Variants in PBX3 observed in about 807,000 individuals in gnomAD.
The protein encoded by PBX3 is pre-B-cell leukemia transcription factor 3.
A neutral mutation model predicts 48.5 loss-of-function variants in PBX3; 14 were observed. The ratio of observed to expected loss-of-function variants is 0.29; its 90% confidence interval spans 0.19 to 0.45. The LOEUF (loss-of-function observed/expected upper bound fraction) is 0.45, where lower values mean the gene tolerates loss of function less well. Among genes scored for constraint, PBX3 ranks in the 20% least tolerant of loss-of-function variants. PBX3 has a pLI of 1.00. For missense variants in PBX3, 386 were observed against 546.7 expected (o/e 0.71, Z 2.93); for synonymous variants, 210 against 200.3 (o/e 1.05, Z -0.41).
intron 5 of PBX3, among the ~76,000 whole-genome samples, chr9:125,938,981 A>ATGTGTG (rs144168364): frequency 6.6e-6 from 1 of 151,084 alleles, no homozygotes; most frequent in Admixed American, 6.6e-5. Flanking sequence ...TTGCATGTAT[A>ATGTGTG]TGTGTGTGTG....
At chr9:125,858,372 T>C (rs897266365) in intron 2 of PBX3, among the ~76,000 whole-genome samples, 15 of 152,236 alleles carry the variant, frequency 9.9e-5, no homozygotes, top group African/African-American at 3.6e-4. Context: ...TTCCCATTTA[T>C]TGTATATCTG....
At chr9:125,911,831 T>C (rs1841210211) in intron 2 of PBX3, among the ~76,000 whole-genome samples, 1 of 152,198 alleles carries the variant, frequency 6.6e-6, no homozygotes. Context: ...AATAATGTAC[T>C]CTTTACTAAG....
At chr9:125,862,285 G>A (rs1020840638) in intron 2 of PBX3, among the ~76,000 whole-genome samples, 3 of 152,170 alleles carry the variant, frequency 2.0e-5, no homozygotes, top group African/African-American at 7.2e-5. Flanking sequence ...GTGACATATG[G>A]TAAGAGCAAC....
chr9:125,930,629 G>A (rs1270351792), intron 4 of PBX3, among the ~76,000 whole-genome samples: 1 of 152,158 alleles, frequency 6.6e-6, no homozygotes, highest in Non-Finnish European at 1.5e-5. Context: ...CAGTATTAAA[G>A]GAAATAACTA....
chr9:125,890,590 A>G (rs1026631943), intron 2 of PBX3, among the ~76,000 whole-genome samples: 4 of 152,202 alleles, frequency 2.6e-5, no homozygotes, highest in Admixed American at 2.6e-4. Flanking sequence ...TCCCACCCCC[A>G]GTGACTTGGC....
intron 4 of PBX3, among the ~76,000 whole-genome samples, chr9:125,931,059 G>GTTAA (rs1267378081): frequency 6.6e-6 from 1 of 152,154 alleles, no homozygotes; most frequent in East Asian, 1.9e-4. Context: ...AAGGATAAAA[G>GTTAA]TTAACCTCAT....
chr9:125,785,672 A>G (rs1837438772), intron 2 of PBX3, among the ~76,000 whole-genome samples: 1 of 152,292 alleles, frequency 6.6e-6, no homozygotes, highest in South Asian at 2.1e-4. Context: ...AATTCTCCCT[A>G]ATAAATTCTC....
intron 3 of PBX3, among the ~76,000 whole-genome samples, chr9:125,920,212 A>G (rs1180534947): frequency 6.6e-6 from 1 of 152,162 alleles, no homozygotes; most frequent in African/African-American, 2.4e-5. Context: ...TCTTGGGTAC[A>G]TTGCCTCGCT....
chr9:125,767,489 G>T lies in PBX3; in HGVS notation c.274+18866G>T, dbSNP rs532449182. Among the ~76,000 whole-genome samples, 331 of 152,280 alleles carry T rather than the reference G, an allele frequency of 2.2e-3. 1 individual carries two copies. The highest frequency in any genetic ancestry group is 7.6e-3 in the African/African-American group (315 of 41,556). ...CATACCACCATTCACAGGTATCTAT[G>T]CTTGTGGTACTCCAGAAAGCTGTAG... On this transcript the variant is annotated intron_variant, in intron 2 of 8. Coordinates refer to ENST00000373489, the MANE Select transcript of PBX3 (RefSeq NM_006195.6).
chr9:125,955,123 C>T (rs1842274787), intron 5 of PBX3, among the ~76,000 whole-genome samples: 2 of 152,286 alleles, frequency 1.3e-5, no homozygotes, highest in South Asian at 2.1e-4. Flanking sequence ...TGGACAGGCA[C>T]ATGGATGGGA....
chr9:125,930,479 A>T (rs533054153), intron 4 of PBX3, among the ~76,000 whole-genome samples: 2 of 152,356 alleles, frequency 1.3e-5, no homozygotes, highest in Admixed American at 1.3e-4. Context: ...GTCATAGTGT[A>T]CGCTGCCCCT....
chr9:125,932,861 A>G (rs1841748215), intron 4 of PBX3, among the ~76,000 whole-genome samples: 1 of 152,186 alleles, frequency 6.6e-6, no homozygotes, highest in Non-Finnish European at 1.5e-5. Flanking sequence ...CAGGGCCAGA[A>G]TGAGAGAGTG....
At chr9:125,951,329 G>A (rs1044193942) in intron 5 of PBX3, among the ~76,000 whole-genome samples, 3 of 152,122 alleles carry the variant, frequency 2.0e-5, no homozygotes, top group African/African-American at 7.2e-5. Flanking sequence ...GCAGACAGGC[G>A]CTCTTGGTCT....
chr9:125,884,567 C>G (rs1487905877), intron 2 of PBX3, among the ~76,000 whole-genome samples: 5 of 152,178 alleles, frequency 3.3e-5, no homozygotes, highest in African/African-American at 1.2e-4. Flanking sequence ...TACTTTATTA[C>G]TAGTTGCCTT....
intron 2 of PBX3, among the ~76,000 whole-genome samples, chr9:125,844,415 A>G (rs1839373432): frequency 6.6e-6 from 1 of 151,956 alleles, no homozygotes. Context: ...ATTAAAATAT[A>G]CTATATAAAA....
At chr9:125,799,417 G>A (rs1837875770) in intron 2 of PBX3, among the ~76,000 whole-genome samples, 1 of 151,846 alleles carries the variant, frequency 6.6e-6, no homozygotes, top group Non-Finnish European at 1.5e-5. Context: ...GAGGTGGGAC[G>A]ATTTCTTGAG....
chr9:125,882,239 A>G lies in PBX3; in HGVS notation c.275-33447A>G, dbSNP rs1044287940. ...CCCTGTCTCACAATTTTTTTTTTTTACTAAATTCCAGACTACAGTTTTTGG... is the reference window on the plus strand; with the variant it reads ...CCCTGTCTCACAATTTTTTTTTTTTGCTAAATTCCAGACTACAGTTTTTGG... On this transcript the variant is annotated intron_variant, in intron 2 of 8. Coordinates refer to ENST00000373489, the MANE Select transcript of PBX3 (RefSeq NM_006195.6). Among the ~76,000 whole-genome samples, 37 of 150,588 alleles carry G rather than the reference A, an allele frequency of 2.5e-4. 1 individual carries two copies. The East Asian group carries it at 3.9e-3, about 16-fold the overall frequency.
At chr9:125,780,518 A>ACC (rs1398862610) in intron 2 of PBX3, among the ~76,000 whole-genome samples, 2 of 119,268 alleles carry the variant, frequency 1.7e-5, no homozygotes, top group African/African-American at 3.3e-5. Flanking sequence ...TGGGGGGCTA[A>ACC]CTCCCCCACC....
chr9:125,961,376 C>T (rs1437886858), intron 6 of PBX3, among the ~76,000 whole-genome samples: 1 of 152,224 alleles, frequency 6.6e-6, no homozygotes. Context: ...GTGCTTAATA[C>T]ATGCATGCAA....
Sources: allele counts gnomAD v4.1 joint callset (sites outside exome capture counted in the v4.1 genomes callset), GRCh38; gene constraint gnomAD v4.1.1; transcripts MANE v1.5; gene names NCBI Gene and HGNC (gene_info 2026-07-23, HGNC 2026-07-21).